The following NFIB variants were observed in gnomAD, a reference collection of about 807,000 sequenced individuals.
The protein encoded by NFIB is nuclear factor I B, also known as nuclear factor 1 B-type.
A neutral mutation model predicts 61.5 loss-of-function variants in NFIB; 11 were observed. The observed-to-expected ratio is 0.18, with a 90% confidence interval of 0.11 to 0.30. The LOEUF (loss-of-function observed/expected upper bound fraction) is 0.30, where lower values mean the gene tolerates loss of function less well. Ranked by LOEUF, NFIB falls within the 10% of genes least tolerant of loss-of-function variation. The pLI is 1.00. For missense variants in NFIB, 471 were observed against 608.9 expected (o/e 0.77, Z 2.38); for synonymous variants, 260 against 216.5 (o/e 1.20, Z -1.76).
In NFIB at chr9:14,150,948, A is replaced by G. The variant is rs569392479; in HGVS notation, c.686-683T>C. Among the ~76,000 whole-genome samples, 53 of 152,278 alleles carry G rather than the reference A, an allele frequency of 3.5e-4. 2 individuals carry two copies. In the South Asian group the frequency reaches 1.0e-2, roughly 29 times the overall value. The stretch of plus-strand genomic sequence containing the variant: ...ATCTCATGATATTTTGTATAATTAC[A>G]TCTGTTCACATTTTTTAAATTTAAT... On this transcript the variant is annotated intron_variant, in intron 4 of 10. Coordinates refer to ENST00000380953, the MANE Select transcript of NFIB (RefSeq NM_001190737.2).
intron 2 of NFIB, among the ~76,000 whole-genome samples, chr9:14,295,053 G>C (rs1460815588): frequency 6.6e-6 from 1 of 152,268 alleles, no homozygotes. Context: ...TCTCCACTTG[G>C]CTTCCAGTTG....
the NFIB span, among the ~76,000 whole-genome samples, chr9:14,407,509 T>C: frequency 1.3e-5 from 2 of 152,232 alleles, no homozygotes; most frequent in African/African-American, 4.8e-5. Flanking sequence ...AAACGGAGCT[T>C]AACTCAGATG....
intron 2 of NFIB, among the ~76,000 whole-genome samples, chr9:14,203,629 C>T (rs1441514270): frequency 6.6e-6 from 1 of 152,196 alleles, no homozygotes; most frequent in African/African-American, 2.4e-5. Flanking sequence ...GAAATGTCGC[C>T]GGCCTGGGCC....
chr9:14,125,597 A>G (rs757924035), intron 7 of NFIB, 35 bp downstream of exon 7: 6 of 1,611,842 alleles, frequency 3.7e-6, no homozygotes, highest in Non-Finnish European at 5.1e-6. Context: ...TACAGACAAG[A>G]AGGAGGCTTC....
intron 3 of NFIB, among the ~76,000 whole-genome samples, chr9:14,158,303 T>C (rs2043706804): frequency 6.6e-6 from 1 of 152,124 alleles, no homozygotes; most frequent in African/African-American, 2.4e-5. Context: ...CACTCTAGTC[T>C]CATCCTTCAA....
At chr9:14,474,162 G>T in the NFIB span, among the ~76,000 whole-genome samples, 1 of 152,144 alleles carries the variant, frequency 6.6e-6, no homozygotes, top group African/African-American at 2.4e-5. Flanking sequence ...GGCTTTAATA[G>T]AATATCATAA....
At chr9:14,107,669 T>C (rs2036769842) in intron 10 of NFIB, among the ~76,000 whole-genome samples, 1 of 152,116 alleles carries the variant, frequency 6.6e-6, no homozygotes, top group Non-Finnish European at 1.5e-5. Context: ...ACATCAACAC[T>C]AAAACCCAAA....
At chr9:14,408,229 G>A in the NFIB span, among the ~76,000 whole-genome samples, 1 of 152,198 alleles carries the variant, frequency 6.6e-6, no homozygotes, top group African/African-American at 2.4e-5. Context: ...GGAACTGGAA[G>A]ATCATTAAGA....
chr9:14,321,614 G>A (rs2060662030), intron 1 of NFIB, among the ~76,000 whole-genome samples: 1 of 152,140 alleles, frequency 6.6e-6, no homozygotes, highest in Non-Finnish European at 1.5e-5. Flanking sequence ...TGAGGGGAGA[G>A]GGGCATAAAG....
At chr9:14,228,501 C>T (rs1173076308) in intron 2 of NFIB, among the ~76,000 whole-genome samples, 1 of 152,154 alleles carries the variant, frequency 6.6e-6, no homozygotes, top group African/African-American at 2.4e-5. Context: ...AATAGTAATT[C>T]CCACATCTAA....
upstream of NFIB, among the ~76,000 whole-genome samples, chr9:14,401,369 G>A (rs553978314): frequency 8.5e-5 from 13 of 152,190 alleles, no homozygotes; most frequent in East Asian, 1.9e-4. Context: ...TTTTGTCCTC[G>A]TGAGGCCTTG....
At chr9:14,282,513 G>C (rs1297167377) in intron 2 of NFIB, among the ~76,000 whole-genome samples, 2 of 152,208 alleles carry the variant, frequency 1.3e-5, no homozygotes, top group African/African-American at 4.8e-5. Context: ...CAAGTGATGT[G>C]ACTTTCTAAT....
At chr9:14,162,414 A>G (rs1468675156) in intron 3 of NFIB, among the ~76,000 whole-genome samples, 1 of 152,108 alleles carries the variant, frequency 6.6e-6, no homozygotes, top group Non-Finnish European at 1.5e-5. Flanking sequence ...GTTATATATT[A>G]CTGAATTCGT....
intron 1 of NFIB, among the ~76,000 whole-genome samples, chr9:14,383,035 C>T (rs986567322): frequency 2.6e-5 from 4 of 151,942 alleles, no homozygotes; most frequent in African/African-American, 9.7e-5. Flanking sequence ...CTCAATAAAA[C>T]CAGTGTGGAA....
the NFIB span, among the ~76,000 whole-genome samples, chr9:14,417,932 C>G: frequency 6.6e-6 from 1 of 152,048 alleles, no homozygotes. Flanking sequence ...AGGTGCCCCC[C>G]ACGCCCAGCT....
intron 2 of NFIB, among the ~76,000 whole-genome samples, chr9:14,227,587 C>T (rs369395877): frequency 1.3e-5 from 2 of 152,186 alleles, no homozygotes; most frequent in African/African-American, 2.4e-5. Flanking sequence ...AAATTTACAA[C>T]GGTACTGTAA....
chr9:14,130,605 C>T (rs2130935742), intron 6 of NFIB, among the ~76,000 whole-genome samples: 1 of 151,860 alleles, frequency 6.6e-6, no homozygotes, highest in African/African-American at 2.4e-5. Context: ...AATGGCTTAC[C>T]TCCTAAGGAA....
chr9:14,360,201 A>C (rs1238804976), intron 1 of NFIB, among the ~76,000 whole-genome samples: 1 of 152,216 alleles, frequency 6.6e-6, no homozygotes, highest in Non-Finnish European at 1.5e-5. Context: ...TGCTACAAAC[A>C]CTTATATTAA....
intron 3 of NFIB, among the ~76,000 whole-genome samples, chr9:14,168,261 CT>C (rs2045150914): frequency 6.6e-6 from 1 of 152,068 alleles, no homozygotes; most frequent in Non-Finnish European, 1.5e-5. Context: ...TAGGCATTGC[CT>C]TGGATGATAG....
Sources: allele counts gnomAD v4.1 joint callset (sites outside exome capture counted in the v4.1 genomes callset), GRCh38; gene constraint gnomAD v4.1.1; transcripts MANE v1.5; gene names NCBI Gene and HGNC (gene_info 2026-07-23, HGNC 2026-07-21).